Variants in OSBPL6 observed in about 807,000 individuals in gnomAD.
OSBPL6 encodes the protein oxysterol binding protein like 6, also known as oxysterol-binding protein-related protein 6.
A neutral mutation model predicts 125.8 loss-of-function variants in OSBPL6; 49 were observed. The observed-to-expected ratio is 0.39, with a 90% CI of 0.31 to 0.49. The LOEUF (loss-of-function observed/expected upper bound fraction) is 0.49. Ranked by LOEUF, OSBPL6 falls within the 20% of genes least tolerant of loss-of-function variation. OSBPL6 has a pLI of 0.88. For missense variants in OSBPL6, 986 were observed against 1,135.4 expected, an observed-to-expected ratio of 0.87 and a Z score of 1.89; for synonymous variants, 394 against 391.8, an observed-to-expected ratio of 1.01 and a Z score of -0.07.
At position 178,304,538 on chromosome 2, in the gene OSBPL6, A is replaced by G. The variant is rs538505047; in HGVS notation, c.-155-1492A>G. On this transcript the variant is annotated intron_variant, in intron 2 of 24. Coordinates refer to ENST00000190611, the MANE Select transcript of OSBPL6 (RefSeq NM_032523.4). Reference sequence around the variant, plus strand: ...ATGACATATGGGGATTATGGGAACTACAATTCAGGATGAGATGTGGGTGGG... The same window carrying G: ...ATGACATATGGGGATTATGGGAACTGCAATTCAGGATGAGATGTGGGTGGG... Among the ~76,000 whole-genome samples, 7 of 152,322 alleles carry G rather than the reference A, an allele frequency of 4.6e-5. No individual in the cohort carries two copies. In the South Asian group the frequency reaches 1.5e-3, roughly 32 times the overall value.
At chr2:178,255,737 A>G (rs1447305451) in intron 1 of OSBPL6, among the ~76,000 whole-genome samples, 1 of 152,190 alleles carries the variant, frequency 6.6e-6, no homozygotes, top group East Asian at 1.9e-4. Flanking sequence ...TTGGAAAAAA[A>G]CTAGGTTGGG....
chr2:178,378,685 A>G (rs1490966519), intron 15 of OSBPL6, among the ~76,000 whole-genome samples: 1 of 152,230 alleles, frequency 6.6e-6, no homozygotes, highest in Admixed American at 6.5e-5. Context: ...TTTGATTACA[A>G]TAGTGCAGAG....
intron 1 of OSBPL6, among the ~76,000 whole-genome samples, chr2:178,265,191 CTTTTTTTTTTTTTTTTTTTTTTTT>C (rs376718500): frequency 4.2e-4 from 14 of 33,732 alleles, no homozygotes; most frequent in South Asian, 2.8e-3. Flanking sequence ...CCAGACGAGA[CTTTTTTTTTTTTTTTTTTTTTTTT>C]TTTTTTTTTT....
chr2:178,383,945 C>A, intron 17 of OSBPL6, 94 bp from the exon 18 acceptor site: 1 of 1,380,496 alleles, frequency 7.2e-7, no homozygotes, highest in Non-Finnish European at 1.0e-6. Context: ...AACACCCATC[C>A]ACATGAGGTG....
intron 1 of OSBPL6, among the ~76,000 whole-genome samples, chr2:178,265,564 A>G (rs796392929): frequency 2.6e-5 from 4 of 152,086 alleles, no homozygotes; most frequent in African/African-American, 9.6e-5. Flanking sequence ...CCAGTATTGA[A>G]TAATTGTCCC....
chr2:178,252,283 G>C (rs923219243), intron 1 of OSBPL6, among the ~76,000 whole-genome samples: 1 of 46,342 alleles, frequency 2.2e-5, no homozygotes, highest in Non-Finnish European at 4.2e-5. Flanking sequence ...CTCTGTAAAG[G>C]GCCAGGTTAT....
chr2:178,368,685 G>T (rs562191720), intron 13 of OSBPL6, among the ~76,000 whole-genome samples: 3 of 149,776 alleles, frequency 2.0e-5, no homozygotes, highest in Admixed American at 2.0e-4. Flanking sequence ...TTGAGTATTT[G>T]CCATCATTAA....
intron 23 of OSBPL6, among the ~76,000 whole-genome samples, chr2:178,393,933 G>A (rs547079940): frequency 1.3e-5 from 2 of 152,266 alleles, no homozygotes; most frequent in African/African-American, 4.8e-5. Flanking sequence ...AAAGCTTTCT[G>A]ATAATATAGA....
At position 178,265,191 on chromosome 2, in the gene OSBPL6, C is replaced by CTTTTTTTTTT. The variant is rs376718500; in HGVS notation, c.-350-19707_-350-19698dup. On this transcript the variant is annotated intron_variant, in intron 1 of 24. Coordinates refer to ENST00000190611, the MANE Select transcript of OSBPL6 (RefSeq NM_032523.4). ...GTCACTTCCCCTGGCCCAGACGAGA[C>CTTTTTTTTTT]TTTTTTTTTTTTTTTTTTTTTTTTT... 5.0e-4 allele frequency among the ~76,000 whole-genome samples: 17 copies of CTTTTTTTTTT among 33,718 alleles called. 3 individuals are homozygous for CTTTTTTTTTT. The highest frequency in any genetic ancestry group is 9.7e-4 in the East Asian group (1 of 1,032). 22.1% of individuals were successfully genotyped at this position (33,718 alleles called of 152,430 possible). A position where few individuals can be genotyped will look rare whatever the true frequency, so the allele number is the denominator to read the frequency against.
At chr2:178,251,395 A>G (rs1224979609) in intron 1 of OSBPL6, among the ~76,000 whole-genome samples, 1 of 150,630 alleles carries the variant, frequency 6.6e-6, no homozygotes, top group Non-Finnish European at 1.5e-5. Context: ...CCTCTCAACT[A>G]GAAGAATATC....
chr2:178,325,509 G>A (rs1168520218), intron 4 of OSBPL6, among the ~76,000 whole-genome samples: 1 of 152,160 alleles, frequency 6.6e-6, no homozygotes, highest in African/African-American at 2.4e-5. Flanking sequence ...TGAATAGCGA[G>A]TACAGACTGT....
chr2:178,342,398 C>T (rs545844716), intron 11 of OSBPL6, among the ~76,000 whole-genome samples: 36 of 151,922 alleles, frequency 2.4e-4, no homozygotes, highest in African/African-American at 7.7e-4. Flanking sequence ...AAAAATTGAC[C>T]GCAAGAAAGT....
intron 13 of OSBPL6, among the ~76,000 whole-genome samples, chr2:178,366,887 C>G (rs968679807): frequency 2.6e-5 from 4 of 152,106 alleles, no homozygotes; most frequent in African/African-American, 9.7e-5. Flanking sequence ...CATAATTTGG[C>G]AATATTTATT....
intron 8 of OSBPL6, among the ~76,000 whole-genome samples, 168 bp from the exon 9 acceptor site, chr2:178,336,133 T>C (rs1045560455): frequency 1.3e-5 from 2 of 152,248 alleles, no homozygotes; most frequent in Admixed American, 1.3e-4. Context: ...TGTTTAGGAA[T>C]GTCGCCCTCA....
intron 14 of OSBPL6, among the ~76,000 whole-genome samples, chr2:178,372,896 AAACTT>A (rs913927076): frequency 8.8e-5 from 13 of 147,784 alleles, no homozygotes; most frequent in Non-Finnish European, 1.5e-4. Context: ...GGGCTAAACT[AAACTT>A]AAGTGTATAA....
chr2:178,370,009 A>C (rs1018213576), intron 13 of OSBPL6, among the ~76,000 whole-genome samples: 3 of 152,192 alleles, frequency 2.0e-5, no homozygotes, highest in Admixed American at 1.3e-4. Flanking sequence ...TCCTGCCTGT[A>C]ATCCCAGCAC....
intron 8 of OSBPL6, among the ~76,000 whole-genome samples, chr2:178,334,230 T>C (rs1445897695): frequency 6.6e-6 from 1 of 152,206 alleles, no homozygotes; most frequent in East Asian, 1.9e-4. Flanking sequence ...ATTTGGCACC[T>C]GAAATTGAGG....
intron 1 of OSBPL6, among the ~76,000 whole-genome samples, chr2:178,256,022 G>T (rs1430707478): frequency 6.6e-6 from 1 of 152,220 alleles, no homozygotes; most frequent in East Asian, 1.9e-4. Flanking sequence ...GGGGCAAACA[G>T]TTGAGAAGCT....
chr2:178,286,771 T>G (rs748850492), intron 2 of OSBPL6, among the ~76,000 whole-genome samples: 3 of 152,206 alleles, frequency 2.0e-5, no homozygotes, highest in Non-Finnish European at 2.9e-5. Context: ...AGAGTCCATT[T>G]TCTAGGCCCT....
Sources: gnomAD v4.1 joint callset for allele counts (sites outside exome capture counted in the v4.1 genomes callset) on GRCh38, gnomAD v4.1.1 for gene constraint, MANE v1.5 for transcripts, NCBI Gene and HGNC (gene_info 2026-07-23, HGNC 2026-07-21) for gene names.